Variants in SRRM2 observed in about 807,000 individuals in gnomAD.
The protein encoded by SRRM2 is serine/arginine repetitive matrix 2.
SRRM2 carries 30 observed loss-of-function variants against 213.8 expected under a neutral mutation model. The observed-to-expected ratio is 0.14, with a 90% CI of 0.10 to 0.19. The LOEUF (loss-of-function observed/expected upper bound fraction) is 0.19, where lower values mean the gene tolerates loss of function less well. Among genes scored for constraint, SRRM2 ranks in the 10% least tolerant of loss-of-function variants. The pLI, the probability that SRRM2 is intolerant of heterozygous loss-of-function variation, is 1.00. For synonymous variants in SRRM2, 2,025 were observed against 1,377.7 expected, an observed-to-expected ratio of 1.47 and a Z score of -10.40; for missense variants, 4,904 against 3,647.0, an observed-to-expected ratio of 1.34 and a Z score of -8.88.
At chr16:2,756,036 C>T (rs994834999) in intron 1 of SRRM2, among the ~76,000 whole-genome samples, 1 of 152,016 alleles carries the variant, frequency 6.6e-6, no homozygotes, top group African/African-American at 2.4e-5. Context: ...CCTTGTTTGC[C>T]TAGGGTGGAA....
At chr16:2,769,515 C>T (rs901562258) in intron 12 of SRRM2, 46 of 626,068 alleles carry the variant, frequency 7.3e-5, no homozygotes, top group Admixed American at 6.9e-4. Flanking sequence ...TTGGTTTCTT[C>T]CTCTCCCTCC....
Position 2,766,213 on chromosome 16 carries a change from C to T in SRRM2, c.5685C>T (p.Val1895=), listed in dbSNP as rs1214728638. 1 of 1,614,164 alleles carries T rather than the reference C, an allele frequency of 6.2e-7. No individual in the cohort carries two copies. The highest frequency in any genetic ancestry group is 1.7e-5 in the Admixed American group (1 of 60,016). ...RRRSRSRTSP[V]SRRRSRSRTS... ...GGTCCAGATCTCGAACTTCACCAGT[C>T]AGCCGGAGACGGTCAAGGTCCAGGA... is the stretch of plus-strand genomic sequence containing the variant. Residue 1895 remains valine, a synonymous_variant, in exon 11 of 15, where the codon GTC becomes GTT. Transcript: ENST00000301740. The surrounding 1 kb of genome is among the most constrained non-coding windows in gnomAD (Gnocchi z 7.0).
At position 2,767,406 on chromosome 16, in the gene SRRM2, CAGCTGTGAACCT is replaced by C. The variant is rs1430362372; in HGVS notation, c.6882_6893del (p.Val2295_Ala2298del). 1 of 1,613,936 alleles carries C rather than the reference CAGCTGTGAACCT, an allele frequency of 6.2e-7. No individual in the cohort carries two copies. The highest frequency in any genetic ancestry group is 1.3e-5 in the African/African-American group (1 of 74,914). On this transcript the variant is annotated inframe_deletion, in exon 11 of 15. Transcript: ENST00000301740. Reference sequence around the variant, plus strand: ...GCTGACCCTCGCACTCCCACAGCCCCAGCTGTGAACCTAGCAGGGGCCAGAACCCCAGCTGCC... The same window carrying C: ...GCTGACCCTCGCACTCCCACAGCCCCAGCAGGGGCCAGAACCCCAGCTGCC...
At chr16:2,759,235 G>T (rs1207325547) in intron 7 of SRRM2, 63 bp downstream of exon 7, 1 of 1,604,198 alleles carries the variant, frequency 6.2e-7, no homozygotes, top group Non-Finnish European at 8.5e-7. Context: ...TTTTTTCTTG[G>T]AGTGAAGCTC....
In SRRM2 at chr16:2,766,794, G is replaced by T. The variant is rs759833860; in HGVS notation, c.6266G>T (p.Arg2089Leu). 5 of 1,614,018 alleles carry T rather than the reference G, an allele frequency of 3.1e-6. No individual in the cohort carries two copies. In the South Asian group the frequency reaches 5.5e-5, roughly 18 times the overall value. ...SASGSSSDRS[R>L]SATPPATRNH... Reference sequence around the variant, plus strand: ...TCTGGAAGTAGTTCTGATCGTTCACGATCTGCTACTCCTCCAGCAACAAGA... The same window carrying T: ...TCTGGAAGTAGTTCTGATCGTTCACTATCTGCTACTCCTCCAGCAACAAGA... Residue 2089 changes from arginine to leucine, a missense_variant, in exon 11 of 15, where the codon CGA (arginine) becomes CTA (leucine). Arg to Leu is a moderately radical substitution (Grantham distance 102). Coordinates refer to ENST00000301740, the MANE Select transcript of SRRM2 (RefSeq NM_016333.4). The surrounding 1 kb of genome is among the most constrained non-coding windows in gnomAD (Gnocchi z 7.0).
chr16:2,759,216 T>C, intron 7 of SRRM2, 44 bp downstream of exon 7: 1 of 1,606,846 alleles, frequency 6.2e-7, no homozygotes, highest in Non-Finnish European at 8.5e-7. Flanking sequence ...GCATGTGGAG[T>C]GGTGATTTTT....
rs775681241 is a variant in SRRM2 at position 2,763,114 on chromosome 16, G to T, written c.2586G>T (p.Glu862Asp). 1 of 1,614,022 alleles carries T rather than the reference G, an allele frequency of 6.2e-7. No individual in the cohort carries two copies. Among genetic ancestry groups the T allele is most frequent in the East Asian group, 2.2e-5 (1 of 44,884 alleles). ...QGSITSPQAN[E>D]QSVTPQRRSC... ...CCATAACAAGTCCCCAGGCCAATGA[G>T]CAATCTGTAACGCCACAGAGACGGA... is the stretch of plus-strand genomic sequence containing the variant. Residue 862 changes from glutamate to aspartate, a missense_variant, in exon 11 of 15, where the codon GAG (glutamate) becomes GAT (aspartate). By Grantham distance (45) the Glu-to-Asp change is conservative. Transcript: ENST00000301740.
chr16:2,760,550 G>T (rs766140951), intron 10 of SRRM2, 51 bp downstream of exon 10: 6 of 1,595,166 alleles, frequency 3.8e-6, no homozygotes, highest in Non-Finnish European at 3.4e-6. Flanking sequence ...TATAGATTTA[G>T]GATAGACATG....
intron 1 of SRRM2, 136 bp from the exon 2 acceptor site, chr16:2,756,198 A>ACAC (rs1287873547): frequency 9.3e-6 from 8 of 860,586 alleles, no homozygotes; most frequent in Non-Finnish European, 1.4e-5. Flanking sequence ...AGGATGGTGG[A>ACAC]GCATTATACA....
Position 2,766,579 on chromosome 16 carries a change from C to G in SRRM2, c.6051C>G (p.Arg2017=). Residue 2017 remains arginine (R), a synonymous_variant, in exon 11 of 15, where the codon CGC becomes CGG. Coordinates refer to ENST00000301740, the MANE Select transcript of SRRM2 (RefSeq NM_016333.4). This position sits in a 1 kb window ranked among gnomAD's most constrained non-coding sequence, Gnocchi z 7.0. ...GAACCTCACCAGTGACACGCCGCCG[C>G]TCTAGGTCCCGGACACCTCCAGCTA... The part of the protein sequence containing the change: ...RSRTSPVTRR[R]SRSRTPPAIR... 1 of 1,614,148 alleles carries G rather than the reference C, an allele frequency of 6.2e-7. No homozygotes were observed. Among genetic ancestry groups the G allele is most frequent in the Non-Finnish European group, 8.5e-7 (1 of 1,180,016 alleles).
chr16:2,753,712 G>T (rs2068030879), intron 1 of SRRM2: 1 of 152,186 alleles, frequency 6.6e-6, no homozygotes, highest in African/African-American at 2.4e-5. Context: ...CTTCAGTTAG[G>T]ACGAATCTGG....
Position 2,763,277 on chromosome 16 carries a change from C to G in SRRM2, c.2749C>G (p.Pro917Ala). The change falls in exon 11 of 15, where the codon CCC (proline) becomes GCC (alanine). Residue 917 changes from proline to alanine, a missense_variant. Physicochemically the swap from Pro to Ala is conservative, Grantham distance 27 (BLOSUM62 -1). Transcript: ENST00000301740. ...CCCATCTAGGTCATCATCTCCACAA[C>G]CCAAAGTGAAGGCAATAATATCACC... ...QSPSRSSSPQ[P>A]KVKAIISPRQ... 3 of 1,614,160 alleles carry G rather than the reference C, an allele frequency of 1.9e-6. No individual in the cohort carries two copies. In the East Asian group the frequency reaches 6.7e-5, roughly 36 times the overall value.
rs755084603 is a variant in SRRM2 at position 2,757,918 on chromosome 16, C to G, written c.488C>G (p.Pro163Arg). The change falls in exon 4 of 15, where the codon CCA (proline) becomes CGA (arginine). Residue 163 changes from proline (P) to arginine (R), a missense_variant. Pro to Arg is a moderately radical substitution (Grantham distance 103, BLOSUM62 -2). Transcript: ENST00000301740. ...PQRRAREAKQ[P>R]APEPPKPYSL... ...CGTCGTGCCCGAGAAGCTAAACAAC[C>G]AGCTCCTGAGCCTCCCAAACCTTAC... 2 of 1,614,006 alleles carry G rather than the reference C, an allele frequency of 1.2e-6. No homozygotes were observed. Among genetic ancestry groups the G allele is most frequent in the East Asian group, 2.2e-5 (1 of 44,888 alleles).
At position 2,771,208 on chromosome 16, in the gene SRRM2, T is replaced by A. The variant is rs927441987; in HGVS notation, c.*341T>A. On this transcript the variant is annotated 3_prime_UTR_variant, in exon 15 of 15. Coordinates refer to ENST00000301740, the MANE Select transcript of SRRM2 (RefSeq NM_016333.4). ...GTATCCAGAAGTTCCCAGGGGTGAT[T>A]GTGATGGTGGTTGGGACTGGAGGTT... 2 of 649,438 alleles carry A rather than the reference T, an allele frequency of 3.1e-6. No homozygotes were observed. The highest frequency in any genetic ancestry group is 1.8e-5 in the African/African-American group (1 of 54,848). The allele number at this position is 649,438 out of a possible 1,614,324, so 40.2% of individuals were successfully genotyped here. A position where few individuals can be genotyped will look rare whatever the true frequency, so the allele number is the denominator to read the frequency against.
At position 2,770,838 on chromosome 16, in the gene SRRM2, A is replaced by C. The variant is rs754377907; in HGVS notation, c.8250-20A>C. 3 of 1,613,798 alleles carry C rather than the reference A, an allele frequency of 1.9e-6. No individual in the cohort carries two copies. The highest frequency in any genetic ancestry group is 2.5e-6 in the Non-Finnish European group (3 of 1,179,942). Reference sequence around the variant, plus strand: ...GGGCTGGGGTGGGAACTCCCTGTTGACCCATATCTTCTCTTGCAGGTCTCC... The same window carrying C: ...GGGCTGGGGTGGGAACTCCCTGTTGCCCCATATCTTCTCTTGCAGGTCTCC... On this transcript the variant is annotated intron_variant, in intron 14 of 14. Transcript: ENST00000301740.
chr16:2,765,481 A>C lies in SRRM2; in HGVS notation c.4953A>C (p.Gly1651=), dbSNP rs147477390. ...SSKGRGPSPE[G]SSSTESSPEH... ...AAGGCAGAGGCCCTTCTCCTGAAGGAAGCAGCAGTACCGAGTCCTCTCCTG... is the reference window on the plus strand; with the variant it reads ...AAGGCAGAGGCCCTTCTCCTGAAGGCAGCAGCAGTACCGAGTCCTCTCCTG... The change falls in exon 11 of 15, where the codon GGA becomes GGC. Residue 1651 remains glycine (G), a synonymous_variant. Coordinates refer to ENST00000301740, the MANE Select transcript of SRRM2 (RefSeq NM_016333.4). The C allele has an allele frequency of 9.9e-6, 16 of 1,614,026 alleles. No homozygotes were observed. The highest frequency in any genetic ancestry group is 1.3e-5 in the Non-Finnish European group (15 of 1,180,032).
chr16:2,758,961 G>C, intron 5 of SRRM2, 24 bp from the exon 6 acceptor site: 1 of 1,613,914 alleles, frequency 6.2e-7, no homozygotes, highest in Non-Finnish European at 8.5e-7. Context: ...AGCAGGATGA[G>C]CTTGCTTTTG....
In SRRM2 at chr16:2,767,413, G is replaced by C. The variant is rs898711168; in HGVS notation, c.6885G>C (p.Val2295=). Residue 2295 remains valine, a synonymous_variant, in exon 11 of 15, where the codon GTG becomes GTC. Coordinates refer to ENST00000301740, the MANE Select transcript of SRRM2 (RefSeq NM_016333.4). ...ADPRTPTAPA[V]NLAGARTPAA... Reference sequence around the variant, plus strand: ...CTCGCACTCCCACAGCCCCAGCTGTGAACCTAGCAGGGGCCAGAACCCCAG... The same window carrying C: ...CTCGCACTCCCACAGCCCCAGCTGTCAACCTAGCAGGGGCCAGAACCCCAG... The C allele has an allele frequency of 3.1e-6, 5 of 1,613,876 alleles. No homozygotes were observed. In the African/African-American group the frequency reaches 6.7e-5, roughly 22 times the overall value.
chr16:2,770,723 T>G lies in SRRM2; in HGVS notation c.8249+6T>G, dbSNP rs766657898. 6.4e-7 allele frequency: 1 copy of G among 1,571,680 alleles called. No individual in the cohort carries two copies. The highest frequency in any genetic ancestry group is 8.6e-7 in the Non-Finnish European group (1 of 1,156,276). On this transcript the variant is annotated splice_donor_region_variant and intron_variant, in intron 14 of 14. Coordinates refer to ENST00000301740, the MANE Select transcript of SRRM2 (RefSeq NM_016333.4). ...ATGAGACACCGCTCCTCCAGGTGCG[T>G]GTCCTGGAAGGCTGATGCCCCCTTC...
Sources: gnomAD v4.1 joint callset for allele counts (sites outside exome capture counted in the v4.1 genomes callset) on GRCh38, gnomAD v4.1.1 for gene constraint, Gnocchi (gnomAD v3.1) non-coding constraint, MANE v1.5 for transcripts, NCBI Gene and HGNC (gene_info 2026-07-23, HGNC 2026-07-21) for gene names.